OTUD7A: variants seen among roughly 807,000 people sequenced by gnomAD.
The protein encoded by OTUD7A is OTU domain-containing protein 7A.
Under a neutral mutation model 65.7 loss-of-function variants are expected in OTUD7A, and 12 were observed. That is an observed-to-expected ratio of 0.18 (90% confidence interval 0.12 to 0.30). The LOEUF is 0.30. Among genes scored for constraint, OTUD7A ranks in the 10% least tolerant of loss-of-function variants. The pLI is 1.00. For synonymous variants in OTUD7A, 641 were observed against 586.3 expected, an observed-to-expected ratio of 1.09 and a Z score of -1.35; for missense variants, 1,148 against 1,304.8, an observed-to-expected ratio of 0.88 and a Z score of 1.85.
chr15:31,505,067 G>T (rs899673642), intron 8 of OTUD7A, among the ~76,000 whole-genome samples: 2 of 152,050 alleles, frequency 1.3e-5, no homozygotes, highest in African/African-American at 4.8e-5. Context: ...TGTAGAAAGG[G>T]TATACTTGCT....
intron 5 of OTUD7A, among the ~76,000 whole-genome samples, chr15:31,541,448 G>C (rs1191702489): frequency 6.6e-6 from 1 of 152,144 alleles, no homozygotes; most frequent in African/African-American, 2.4e-5. Flanking sequence ...ATAAGATCTT[G>C]TGTGAATGCG....
intron 8 of OTUD7A, among the ~76,000 whole-genome samples, chr15:31,516,950 AG>A (rs1442940961): frequency 6.6e-6 from 1 of 152,196 alleles, no homozygotes. Flanking sequence ...CTTTGGAAGA[AG>A]CAGAGGCTAC....
intron 1 of OTUD7A, among the ~76,000 whole-genome samples, chr15:31,820,040 A>C (rs538223878): frequency 4.5e-4 from 68 of 152,290 alleles, no homozygotes; most frequent in African/African-American, 1.6e-3. Flanking sequence ...CTGATTAAAG[A>C]AAGTCCACTC....
At chr15:31,634,919 G>A (rs1566953898) in intron 3 of OTUD7A, among the ~76,000 whole-genome samples, 5 of 152,186 alleles carry the variant, frequency 3.3e-5, no homozygotes, top group Admixed American at 6.5e-5. Context: ...CCCTGGGGAC[G>A]CAGACAGGAC....
chr15:31,778,481 C>T (rs149821423), intron 1 of OTUD7A, among the ~76,000 whole-genome samples: 2 of 152,318 alleles, frequency 1.3e-5, no homozygotes, highest in East Asian at 1.9e-4. Flanking sequence ...AGCACATGCT[C>T]TAGTTGACCA....
chr15:31,738,537 C>A (rs554909314), intron 1 of OTUD7A, among the ~76,000 whole-genome samples: 58 of 152,276 alleles, frequency 3.8e-4, no homozygotes, highest in African/African-American at 1.3e-3. Context: ...TAGAGCATGA[C>A]AGTGATCCCT....
At chr15:31,779,768 G>A (rs1276980220) in intron 1 of OTUD7A, among the ~76,000 whole-genome samples, 5 of 152,104 alleles carry the variant, frequency 3.3e-5, no homozygotes, top group Admixed American at 1.3e-4. Context: ...AGGGGTGGAT[G>A]AGAGAGAAAT....
At chr15:31,770,823 C>T (rs1895215349) in intron 1 of OTUD7A, among the ~76,000 whole-genome samples, 1 of 152,120 alleles carries the variant, frequency 6.6e-6, no homozygotes, top group Admixed American at 6.5e-5. Flanking sequence ...AGATACAGAA[C>T]ATACAGGAAA....
At chr15:31,543,719 A>G (rs778238685) in intron 5 of OTUD7A, among the ~76,000 whole-genome samples, 3 of 151,924 alleles carry the variant, frequency 2.0e-5, no homozygotes, top group Non-Finnish European at 4.4e-5. Flanking sequence ...TAATTGCTGT[A>G]TTCAATAACA....
At chr15:31,508,645 C>CATTA in intron 8 of OTUD7A, among the ~76,000 whole-genome samples, 1 of 152,234 alleles carries the variant, frequency 6.6e-6, no homozygotes. Context: ...AGGCACTGCG[C>CATTA]CAGGCAAGAA....
chr15:31,521,579 T>A (rs192436497), intron 8 of OTUD7A, among the ~76,000 whole-genome samples: 1 of 152,238 alleles, frequency 6.6e-6, no homozygotes, highest in Non-Finnish European at 1.5e-5. Flanking sequence ...CAGGCTGTGG[T>A]GTGGGCATCT....
intron 1 of OTUD7A, among the ~76,000 whole-genome samples, chr15:31,709,719 G>T (rs1293193124): frequency 6.6e-6 from 1 of 151,678 alleles, no homozygotes; most frequent in East Asian, 1.9e-4. Flanking sequence ...ATCTGTGTGT[G>T]GTGGTTCTAT....
chr15:31,742,859 A>C (rs1435819142), intron 1 of OTUD7A, among the ~76,000 whole-genome samples: 1 of 152,122 alleles, frequency 6.6e-6, no homozygotes, highest in Non-Finnish European at 1.5e-5. Flanking sequence ...TTCAAGAAAA[A>C]AGTATTACCA....
intron 5 of OTUD7A, among the ~76,000 whole-genome samples, chr15:31,533,853 A>G (rs1020733420): frequency 6.6e-6 from 1 of 152,244 alleles, no homozygotes; most frequent in Admixed American, 6.5e-5. Flanking sequence ...ATATGTTTCA[A>G]TGTATGTTGA....
intron 3 of OTUD7A, among the ~76,000 whole-genome samples, chr15:31,582,177 G>A (rs114269221): frequency 0.032 from 4,888 of 152,150 alleles, 253 homozygotes; most frequent in African/African-American, 0.11. Flanking sequence ...AGTCACCTTC[G>A]CTCCAGTTAG....
chr15:31,509,421 G>C (rs937306925), intron 8 of OTUD7A, among the ~76,000 whole-genome samples: 3 of 152,024 alleles, frequency 2.0e-5, no homozygotes, highest in Non-Finnish European at 4.4e-5. Flanking sequence ...TGGGACTACA[G>C]GTGCCTGCCT....
intron 1 of OTUD7A, among the ~76,000 whole-genome samples, chr15:31,675,306 C>G (rs1457172678): frequency 1.3e-5 from 2 of 152,114 alleles, no homozygotes; most frequent in Non-Finnish European, 2.9e-5. Context: ...GATGCCATTA[C>G]CAACCCTGGA....
intron 10 of OTUD7A, among the ~76,000 whole-genome samples, chr15:31,489,841 G>C (rs894000593): frequency 2.0e-5 from 3 of 152,244 alleles, no homozygotes; most frequent in African/African-American, 7.2e-5. Flanking sequence ...GACTCCTTGG[G>C]CTGCCCAGGG....
intron 1 of OTUD7A, among the ~76,000 whole-genome samples, chr15:31,760,510 G>A (rs1366276039): frequency 6.6e-6 from 1 of 152,074 alleles, no homozygotes; most frequent in Non-Finnish European, 1.5e-5. Flanking sequence ...AGTTTTGCAG[G>A]GTTTTGTATT....
Sources: allele counts gnomAD v4.1 joint callset (sites outside exome capture counted in the v4.1 genomes callset), GRCh38; gene constraint gnomAD v4.1.1; transcripts MANE v1.5; gene names NCBI Gene and HGNC (gene_info 2026-07-23, HGNC 2026-07-21).